Variants in GPHN observed in about 807,000 individuals in gnomAD.
The protein encoded by GPHN is gephyrin.
GPHN carries 17 observed loss-of-function variants against 95.5 expected under a neutral mutation model. The ratio of observed to expected loss-of-function variants is 0.18; its 90% CI spans 0.12 to 0.27. GPHN has a LOEUF of 0.27. Among genes scored for constraint, GPHN ranks in the 10% least tolerant of loss-of-function variants. GPHN has a pLI of 1.00. For missense variants in GPHN, 660 were observed against 978.1 expected, an observed-to-expected ratio of 0.67 and a Z score of 4.34; for synonymous variants, 320 against 322.5, an observed-to-expected ratio of 0.99 and a Z score of 0.08.
chr14:67,201,884 C>G, the GPHN span: 1 of 179,460 alleles, frequency 5.6e-6, no homozygotes, highest in African/African-American at 2.4e-5. Context: ...GCCCATCCTC[C>G]AGTCTCTTCT....
chr14:66,969,892 A>G (rs2069627368), intron 9 of GPHN: 1 of 151,960 alleles, frequency 6.6e-6, no homozygotes, highest in South Asian at 2.1e-4. Flanking sequence ...AAATTTTTCA[A>G]ACTTTCAATT....
At chr14:67,589,488 T>A in the GPHN span, 2 of 984,910 alleles carry the variant, frequency 2.0e-6, no homozygotes, top group Non-Finnish European at 2.4e-6. Flanking sequence ...ATGACTGAAA[T>A]ACTATGATCT....
the GPHN span, among the ~76,000 whole-genome samples, chr14:67,426,009 T>G: frequency 6.6e-6 from 1 of 151,668 alleles, no homozygotes; most frequent in Non-Finnish European, 1.5e-5. Context: ...CCTCCCAAAG[T>G]GCTGGGATTA....
chr14:67,596,869 T>C, the GPHN span, among the ~76,000 whole-genome samples: 6 of 152,354 alleles, frequency 3.9e-5, no homozygotes, highest in African/African-American at 1.4e-4. Flanking sequence ...TATTCGGAAC[T>C]GAGGAAATTT....
At chr14:67,572,405 G>T in the GPHN span, 1 of 621,686 alleles carries the variant, frequency 1.6e-6, no homozygotes, top group Non-Finnish European at 2.7e-6. Context: ...GATGGGGGCA[G>T]GGGGCGTGGG....
chr14:67,000,772 T>TTAG (rs1326835070), intron 9 of GPHN, among the ~76,000 whole-genome samples: 1 of 151,652 alleles, frequency 6.6e-6, no homozygotes, highest in African/African-American at 2.4e-5. Context: ...GACATACATA[T>TTAG]TAGTAGCTAA....
At chr14:66,877,125 A>G (rs1237333736) in intron 4 of GPHN, among the ~76,000 whole-genome samples, 1 of 152,236 alleles carries the variant, frequency 6.6e-6, no homozygotes, top group South Asian at 2.1e-4. Flanking sequence ...AACTGAACCA[A>G]TGACAAAAAA....
the GPHN span, among the ~76,000 whole-genome samples, chr14:67,519,851 T>C: frequency 2.6e-5 from 4 of 152,154 alleles, no homozygotes; most frequent in Non-Finnish European, 5.9e-5. Context: ...GCCTCCCATG[T>C]AGCTGGGACT....
the GPHN span, chr14:67,647,022 G>A: frequency 6.2e-7 from 1 of 1,602,748 alleles, no homozygotes; most frequent in Non-Finnish European, 8.5e-7. Context: ...CTGCTGATTG[G>A]CAAGTAAGTA....
chr14:66,673,361 GA>G (rs1445090172), intron 1 of GPHN, among the ~76,000 whole-genome samples: 1 of 152,164 alleles, frequency 6.6e-6, no homozygotes, highest in Admixed American at 6.5e-5. Flanking sequence ...CAAAGTGCCG[GA>G]AATACAGGTG....
At chr14:66,895,614 T>A (rs2064800411) in intron 5 of GPHN, among the ~76,000 whole-genome samples, 2 of 152,184 alleles carry the variant, frequency 1.3e-5, no homozygotes, top group African/African-American at 4.8e-5. Flanking sequence ...AATAATACTT[T>A]CAATGTGCTG....
At chr14:66,712,061 A>G (rs2069692582) in intron 2 of GPHN, among the ~76,000 whole-genome samples, 1 of 152,102 alleles carries the variant, frequency 6.6e-6, no homozygotes, top group Non-Finnish European at 1.5e-5. Context: ...ACATGTGCAT[A>G]TGTCTTTATA....
chr14:67,690,066 T>C, the GPHN span: 5 of 661,254 alleles, frequency 7.6e-6, no homozygotes, highest in Admixed American at 1.3e-4. Flanking sequence ...TATTCAGTTG[T>C]AGACTACTTA....
the GPHN span, among the ~76,000 whole-genome samples, chr14:67,448,120 C>CTT: frequency 5.8e-3 from 210 of 36,078 alleles, 92 homozygotes; most frequent in East Asian, 0.033. Context: ...ATAGCCCATT[C>CTT]TTTTTTTTTT....
At chr14:67,392,889 C>A in the GPHN span, 1 of 1,530,854 alleles carries the variant, frequency 6.5e-7, no homozygotes, top group Non-Finnish European at 8.9e-7. Context: ...GGGTGATGGA[C>A]CAGCGTCCTT....
At chr14:67,046,727 A>G (rs1211668423) in intron 10 of GPHN, among the ~76,000 whole-genome samples, 1 of 152,198 alleles carries the variant, frequency 6.6e-6, no homozygotes, top group East Asian at 1.9e-4. Context: ...ATAAGCAAGT[A>G]GAAAAGTTGT....
rs113600329 is a variant in GPHN at position 67,134,532 on chromosome 14, G to A, written c.1749-8830G>A. ...TAAACTATTTACTCCCAAAGCTACT[G>A]TGGATAGACTGACTTGAAATCAAGT... On this transcript the variant is annotated intron_variant, in intron 17 of 22. Coordinates refer to ENST00000478722, the MANE Select transcript of GPHN (RefSeq NM_020806.5). 3.5e-3 allele frequency among the ~76,000 whole-genome samples: 538 copies of A among 152,326 alleles called. 8 individuals are homozygous for A. Among genetic ancestry groups the A allele is most frequent in the African/African-American group, 0.012 (502 of 41,568 alleles).
At chr14:66,702,438 G>A (rs184737038) in intron 2 of GPHN, among the ~76,000 whole-genome samples, 37 of 152,304 alleles carry the variant, frequency 2.4e-4, no homozygotes, top group African/African-American at 7.0e-4. Context: ...CCCAGAAGAA[G>A]GAGCAGGCAC....
the GPHN span, among the ~76,000 whole-genome samples, chr14:67,443,072 T>C: frequency 6.6e-6 from 1 of 151,832 alleles, no homozygotes; most frequent in Non-Finnish European, 1.5e-5. Flanking sequence ...AATACAGAAA[T>C]GATCCAGGCA....
Sources: allele counts gnomAD v4.1 joint callset (sites outside exome capture counted in the v4.1 genomes callset), GRCh38; gene constraint gnomAD v4.1.1; transcripts MANE v1.5; gene names NCBI Gene and HGNC (gene_info 2026-07-23, HGNC 2026-07-21).